CABYR: variants seen among roughly 807,000 people sequenced by gnomAD.
CABYR encodes the protein calcium-binding tyrosine phosphorylation-regulated protein.
Under a neutral mutation model 36.1 loss-of-function variants are expected in CABYR, and 31 were observed. The ratio of observed to expected loss-of-function variants is 0.86; its 90% CI spans 0.64 to 1.16. CABYR has a LOEUF of 1.16. Ranked by LOEUF, CABYR falls within the 50% of genes most tolerant of loss-of-function variation. The pLI is 0.00. For synonymous variants in CABYR, 146 were observed against 160.7 expected (o/e 0.91, Z 0.69); for missense variants, 429 against 455.8 (o/e 0.94, Z 0.53).
At chr18:24,140,066 C>G (rs1307970048) in intron 1 of CABYR, 1 of 152,144 alleles carries the variant, frequency 6.6e-6, no homozygotes, top group African/African-American at 2.4e-5. Flanking sequence ...GCTGGGACTA[C>G]AGGCACCCGC....
At chr18:24,141,569 A>G (rs886153494) in intron 1 of CABYR, among the ~76,000 whole-genome samples, 1 of 152,192 alleles carries the variant, frequency 6.6e-6, no homozygotes, top group African/African-American at 2.4e-5. Flanking sequence ...GGCCGATTTG[A>G]TGCCCATCTT....
chr18:24,154,366 A>C (rs1328428420), intron 3 of CABYR, among the ~76,000 whole-genome samples: 1 of 152,190 alleles, frequency 6.6e-6, no homozygotes, highest in African/African-American at 2.4e-5. Flanking sequence ...TGGATGGGAA[A>C]GTCCTGAAGA....
At chr18:24,160,702 T>G (rs954600665) in intron 5 of CABYR, 1 of 152,728 alleles carries the variant, frequency 6.5e-6, no homozygotes, top group Non-Finnish European at 1.5e-5. Context: ...TACATCTTAG[T>G]TGGGGAGACA....
At position 24,156,238 on chromosome 18, in the gene CABYR, G is replaced by A. The variant is rs898465465; in HGVS notation, c.541+196G>A. The A allele has an allele frequency of 1.9e-6, 3 of 1,614,014 alleles. No homozygotes were observed. The African/African-American group carries it at 4.0e-5, about 22-fold the overall frequency. The stretch of plus-strand genomic sequence containing the variant: ...CAAACATCTGTCCATGTAGATTTGG[G>A]TTCTCAACCTAAAGAAAATGAGGCT... On this transcript the variant is annotated intron_variant, in intron 4 of 5. Coordinates refer to ENST00000399496, the MANE Select transcript of CABYR (RefSeq NM_153769.3).
chr18:24,156,635 T>C (rs1337008590), intron 4 of CABYR: 4 of 1,614,168 alleles, frequency 2.5e-6, no homozygotes, highest in Non-Finnish European at 3.4e-6. Context: ...CCTCAGTATA[T>C]ATGGAGGCAG....
Position 24,145,833 on chromosome 18 carries a change from G to A in CABYR, c.199+2420G>A, listed in dbSNP as rs113967985. ...GAATAAAGTGTACTTTGAGGTATAC[G>A]TAGTGCACTATCATACACTAGGAAG... is the stretch of plus-strand genomic sequence containing the variant. On this transcript the variant is annotated intron_variant, in intron 3 of 5. Transcript: ENST00000399496. 1.4e-3 allele frequency among the ~76,000 whole-genome samples: 212 copies of A among 152,274 alleles called. 1 individual carries two copies. The highest frequency in any genetic ancestry group is 1.9e-3 in the Non-Finnish European group (127 of 68,028).
chr18:24,141,341 C>T (rs932326739), intron 1 of CABYR, among the ~76,000 whole-genome samples: 4 of 152,150 alleles, frequency 2.6e-5, no homozygotes, highest in South Asian at 2.1e-4. Flanking sequence ...CACTTAACCC[C>T]GTGAAACTCA....
Position 24,156,009 on chromosome 18 carries a change from G to A in CABYR, c.508G>A (p.Ala170Thr). 6.2e-7 allele frequency: 1 copy of A among 1,614,176 alleles called. No individual in the cohort carries two copies. The highest frequency in any genetic ancestry group is 8.5e-7 in the Non-Finnish European group (1 of 1,180,028). Residue 170 changes from alanine (A) to threonine (T), a missense_variant, in exon 4 of 6, where the codon GCT becomes ACT. By Grantham distance (58) the Ala-to-Thr change is moderately conservative. Coordinates refer to ENST00000399496, the MANE Select transcript of CABYR (RefSeq NM_153769.3). ...CTCACCAGAGTTTGCCTACGTCCCA[G>A]CTGACCCAGCTCAGCTTGCTGCTCA... Reference protein sequence around the residue: ...AVSPEFAYVPADPAQLAAQML... With the variant: ...AVSPEFAYVPTDPAQLAAQML...
chr18:24,151,989 CTAGTGT>C (rs1383947590), intron 3 of CABYR, among the ~76,000 whole-genome samples: 2 of 152,134 alleles, frequency 1.3e-5, no homozygotes, highest in Non-Finnish European at 2.9e-5. Context: ...CGTGCCTGAC[CTAGTGT>C]TTGCATTTGC....
At chr18:24,154,341 G>C (rs1399186631) in intron 3 of CABYR, among the ~76,000 whole-genome samples, 1 of 152,106 alleles carries the variant, frequency 6.6e-6, no homozygotes, top group Non-Finnish European at 1.5e-5. Flanking sequence ...TGGATAAAAG[G>C]GCTTTCCTAA....
At chr18:24,149,048 G>C (rs1241030924) in intron 3 of CABYR, among the ~76,000 whole-genome samples, 1 of 152,112 alleles carries the variant, frequency 6.6e-6, no homozygotes, top group African/African-American at 2.4e-5. Flanking sequence ...GCTGATTGGT[G>C]CGTTTACAAT....
Position 24,143,217 on chromosome 18 carries a change from C to T in CABYR, c.103C>T (p.Gln35Ter), listed in dbSNP as rs11552048. The change falls in exon 2 of 6, where the codon CAG becomes TAG. Residue 35 changes from glutamine to a stop codon, truncating the protein, a stop_gained. Coordinates refer to ENST00000399496, the MANE Select transcript of CABYR (RefSeq NM_153769.3). LOFTEE classifies it high-confidence loss of function. ...CAAAACCAACCCATCAAACATCAAC[C>T]AGTTTGCAGCAGCTTATTTTCAAGA... ...VLKTNPSNIN[Q>*]FAAAYFQELT... is the part of the protein sequence containing the mutation. The T allele has an allele frequency of 6.2e-7, 1 of 1,613,740 alleles. No homozygotes were observed. The highest frequency in any genetic ancestry group is 1.3e-5 in the African/African-American group (1 of 74,858).
At chr18:24,156,516 TCAC>T (rs1365060537) in intron 4 of CABYR, 15 of 1,614,136 alleles carry the variant, frequency 9.3e-6, no homozygotes, top group South Asian at 2.2e-5. Context: ...AAATGAGCAG[TCAC>T]CACGAGTTAG....
At chr18:24,142,989 C>T (rs373537257) in intron 1 of CABYR, 102 bp from the exon 2 acceptor site, 12 of 784,682 alleles carry the variant, frequency 1.5e-5, no homozygotes, top group Admixed American at 6.1e-5. Flanking sequence ...GCTGAGATCA[C>T]GCCACTGCAC....
intron 3 of CABYR, among the ~76,000 whole-genome samples, chr18:24,150,836 G>C (rs534985064): frequency 6.8e-6 from 1 of 146,500 alleles, no homozygotes; most frequent in South Asian, 2.1e-4. Flanking sequence ...CTGGAGTGCA[G>C]TAGTGAGATC....
chr18:24,155,977 C>T lies in CABYR; in HGVS notation c.476C>T (p.Thr159Ile). ...TTTPPSSPPPTAVSPEFAYVP... is the reference protein window; with the variant it reads ...TTTPPSSPPPIAVSPEFAYVP... ...ACCCCACCCTCATCACCACCTCCAA[C>T]AGCTGTCTCACCAGAGTTTGCCTAC... The change falls in exon 4 of 6, where the codon ACA (threonine) becomes ATA (isoleucine). Residue 159 changes from threonine to isoleucine, a missense_variant. Physicochemically the swap from Thr to Ile is moderately conservative, Grantham distance 89. Coordinates refer to ENST00000399496, the MANE Select transcript of CABYR (RefSeq NM_153769.3). 1 of 1,614,228 alleles carries T rather than the reference C, an allele frequency of 6.2e-7. No homozygotes were observed. The highest frequency in any genetic ancestry group is 8.5e-7 in the Non-Finnish European group (1 of 1,180,044).
intron 5 of CABYR, among the ~76,000 whole-genome samples, chr18:24,161,061 G>A (rs2085963053): frequency 6.6e-6 from 1 of 152,134 alleles, no homozygotes; most frequent in African/African-American, 2.4e-5. Flanking sequence ...AGATCACTCA[G>A]GCTGCTATGT....
At chr18:24,150,804 G>A (rs56235655) in intron 3 of CABYR, among the ~76,000 whole-genome samples, 6,121 of 144,496 alleles carry the variant, frequency 0.042, 185 homozygotes, top group Non-Finnish European at 0.064. Flanking sequence ...TTTTTGAGAC[G>A]GAGTCTCACT....
At chr18:24,154,296 A>G (rs1329904991) in intron 3 of CABYR, among the ~76,000 whole-genome samples, 1 of 152,114 alleles carries the variant, frequency 6.6e-6, no homozygotes, top group African/African-American at 2.4e-5. Context: ...TCTTACATGT[A>G]GTATGTAGCA....
Sources: allele counts gnomAD v4.1 joint callset (sites outside exome capture counted in the v4.1 genomes callset), GRCh38; gene constraint gnomAD v4.1.1; transcripts MANE v1.5; gene names NCBI Gene and HGNC (gene_info 2026-07-23, HGNC 2026-07-21).